The following STK39 variants were observed in gnomAD, a reference collection of about 807,000 sequenced individuals.
STK39 encodes serine/threonine kinase 39.
A neutral mutation model predicts 77.8 loss-of-function variants in STK39; 20 were observed. The observed-to-expected ratio is 0.26, with a 90% confidence interval of 0.18 to 0.37. STK39 has a LOEUF of 0.37. Ranked by LOEUF, STK39 falls within the 10% of genes least tolerant of loss-of-function variation. The pLI is 1.00. For missense variants in STK39, 479 were observed against 656.5 expected (o/e 0.73, Z 2.95); for synonymous variants, 246 against 234.1 (o/e 1.05, Z -0.47).
intron 1 of STK39, among the ~76,000 whole-genome samples, chr2:168,208,330 C>T (rs1194466558): frequency 6.6e-5 from 10 of 152,284 alleles, no homozygotes; most frequent in Non-Finnish European, 1.2e-4. Context: ...TGAAAGTACA[C>T]TTTTGGAGGC....
chr2:168,063,643 T>C lies in STK39; in HGVS notation c.1306-73A>G. 1.0e-5 allele frequency: 14 copies of C among 1,362,034 alleles called. No individual in the cohort carries two copies. In the South Asian group the frequency reaches 1.6e-4, roughly 16 times the overall value. 84.4% of individuals were successfully genotyped at this position (1,362,034 alleles called of 1,614,324 possible). On this transcript the variant is annotated intron_variant, in intron 13 of 17. Transcript: ENST00000355999. ...GAATGAATAAAATCACAATATCACT[T>C]GATTCATATAGCCATTTCTTTCTGG...
intron 1 of STK39, among the ~76,000 whole-genome samples, chr2:168,226,879 T>C (rs2105252447): frequency 6.6e-6 from 1 of 152,236 alleles, no homozygotes; most frequent in South Asian, 2.1e-4. Flanking sequence ...TAATAAAAAC[T>C]TGGAAACAAT....
At chr2:168,223,312 C>T (rs1006915860) in intron 1 of STK39, among the ~76,000 whole-genome samples, 1 of 151,974 alleles carries the variant, frequency 6.6e-6, no homozygotes, top group African/African-American at 2.4e-5. Context: ...GAGTTCAAGA[C>T]CAGCCTGGCC....
chr2:168,247,440 C>A lies in STK39; in HGVS notation c.-5G>T. On this transcript the variant is annotated 5_prime_UTR_variant, in exon 1 of 18. Coordinates refer to ENST00000355999, the MANE Select transcript of STK39 (RefSeq NM_013233.3). Reference sequence around the variant, plus strand: ...CGAGCCGCTCGGCTCCGCCATGATGCTGCGGAGGAGAGCAGGAGGACGCGC... The same window carrying A: ...CGAGCCGCTCGGCTCCGCCATGATGATGCGGAGGAGAGCAGGAGGACGCGC... 7.7e-7 allele frequency: 1 copy of A among 1,294,414 alleles called. No individual in the cohort carries two copies. The highest frequency in any genetic ancestry group is 9.9e-7 in the Non-Finnish European group (1 of 1,008,866). 80.2% of individuals were successfully genotyped at this position (1,294,414 alleles called of 1,614,324 possible).
At chr2:168,084,234 G>A (rs1686311485) in intron 10 of STK39, among the ~76,000 whole-genome samples, 1 of 152,154 alleles carries the variant, frequency 6.6e-6, no homozygotes, top group Admixed American at 6.5e-5. Context: ...CAGAGCAGAG[G>A]ATGTGCTAGG....
At chr2:168,123,868 A>C (rs1411317174) in intron 10 of STK39, among the ~76,000 whole-genome samples, 1 of 91,398 alleles carries the variant, frequency 1.1e-5, no homozygotes. Flanking sequence ...GCGAGATTCC[A>C]TCTCAAAAAA....
chr2:168,025,271 C>G (rs1684667589), intron 14 of STK39, among the ~76,000 whole-genome samples: 1 of 152,174 alleles, frequency 6.6e-6, no homozygotes, highest in African/African-American at 2.4e-5. Context: ...TATATGGTAT[C>G]TCTCAATGCA....
intron 2 of STK39, among the ~76,000 whole-genome samples, chr2:168,167,754 G>T (rs1483405228): frequency 6.6e-6 from 1 of 152,092 alleles, no homozygotes; most frequent in Non-Finnish European, 1.5e-5. Flanking sequence ...GGCTTGACAG[G>T]GAGATAAAAG....
chr2:168,189,979 G>A (rs1019986495), intron 1 of STK39, among the ~76,000 whole-genome samples: 2 of 152,164 alleles, frequency 1.3e-5, no homozygotes, highest in East Asian at 1.9e-4. Flanking sequence ...TAGCCCGCCC[G>A]AGCTATGAAT....
At chr2:167,971,783 C>G (rs887969759) in intron 16 of STK39, among the ~76,000 whole-genome samples, 1 of 152,212 alleles carries the variant, frequency 6.6e-6, no homozygotes, top group African/African-American at 2.4e-5. Context: ...TAATGGGGTA[C>G]ATTTTACCTG....
intron 10 of STK39, among the ~76,000 whole-genome samples, chr2:168,105,575 G>A (rs951406773): frequency 6.6e-6 from 1 of 152,152 alleles, no homozygotes; most frequent in South Asian, 2.1e-4. Context: ...AAGCTCAGGC[G>A]GACAAGGTGC....
chr2:168,198,571 T>G (rs1377686657), intron 1 of STK39, among the ~76,000 whole-genome samples: 1 of 152,208 alleles, frequency 6.6e-6, no homozygotes, highest in African/African-American at 2.4e-5. Context: ...AGATTTCATT[T>G]AGGAATTATT....
intron 17 of STK39, among the ~76,000 whole-genome samples, chr2:167,963,560 T>C (rs1260698633): frequency 6.6e-6 from 1 of 151,508 alleles, no homozygotes; most frequent in Non-Finnish European, 1.5e-5. Context: ...GAGGTGACAG[T>C]GTCATCCCAA....
chr2:168,196,744 G>T (rs1247583392), intron 1 of STK39, among the ~76,000 whole-genome samples: 1 of 152,196 alleles, frequency 6.6e-6, no homozygotes, highest in African/African-American at 2.4e-5. Context: ...GGTCAGAGAA[G>T]CCTCTCTCAG....
At chr2:168,140,826 G>T (rs923095457) in intron 5 of STK39, 68 bp from the exon 6 acceptor site, 7 of 1,280,794 alleles carry the variant, frequency 5.5e-6, no homozygotes, top group Middle Eastern at 2.0e-4. Context: ...GTGATTTTTT[G>T]AGCATGTCTC....
At position 167,955,267 on chromosome 2, in the gene STK39, T is replaced by C; in HGVS notation, c.*229A>G. 2.3e-6 allele frequency: 1 copy of C among 433,886 alleles called. No homozygotes were observed. Among genetic ancestry groups the C allele is most frequent in the Non-Finnish European group, 4.2e-6 (1 of 239,620 alleles). 26.9% of individuals were successfully genotyped at this position (433,886 alleles called of 1,614,324 possible). A position where few individuals can be genotyped will look rare whatever the true frequency, so the allele number is the denominator to read the frequency against. On this transcript the variant is annotated 3_prime_UTR_variant, in exon 18 of 18. Transcript: ENST00000355999. ...GTCGTGCAGCTGTGGCATTTGCTTG[T>C]TCTTGTACTGTGGATTGCTAGAGAA...
intron 1 of STK39, among the ~76,000 whole-genome samples, chr2:168,227,141 T>C (rs1396818541): frequency 6.6e-6 from 1 of 152,204 alleles, no homozygotes; most frequent in Non-Finnish European, 1.5e-5. Flanking sequence ...ACAATACGTA[T>C]AGTTTCCACA....
At chr2:168,204,624 T>A (rs1327039619) in intron 1 of STK39, among the ~76,000 whole-genome samples, 1 of 152,182 alleles carries the variant, frequency 6.6e-6, no homozygotes, top group Non-Finnish European at 1.5e-5. Context: ...AGCATTGAGG[T>A]CTCTAGCAGT....
At chr2:168,177,221 C>T (rs531300563) in intron 2 of STK39, among the ~76,000 whole-genome samples, 11 of 152,120 alleles carry the variant, frequency 7.2e-5, no homozygotes, top group African/African-American at 2.4e-4. Context: ...AATTTCATAA[C>T]GTAATCACTT....
Sources: gnomAD v4.1 joint callset for allele counts (sites outside exome capture counted in the v4.1 genomes callset) on GRCh38, gnomAD v4.1.1 for gene constraint, MANE v1.5 for transcripts, NCBI Gene and HGNC (gene_info 2026-07-23, HGNC 2026-07-21) for gene names.